The following AUTS2 variants were observed in gnomAD, a reference collection of about 807,000 sequenced individuals.
AUTS2 encodes the protein autism susceptibility gene 2 protein.
AUTS2 carries 17 observed loss-of-function variants against 112.4 expected under a neutral mutation model. The ratio of observed to expected loss-of-function variants is 0.15; its 90% CI spans 0.10 to 0.23. The LOEUF (loss-of-function observed/expected upper bound fraction) is 0.23. Ranked by LOEUF, AUTS2 falls within the 10% of genes least tolerant of loss-of-function variation. AUTS2 has a pLI of 1.00. For synonymous variants in AUTS2, 751 were observed against 702.7 expected (o/e 1.07, Z -1.09); for missense variants, 1,510 against 1,701.6 (o/e 0.89, Z 1.98).
intron 5 of AUTS2, among the ~76,000 whole-genome samples, chr7:70,689,856 G>A (rs1011402584): frequency 6.6e-6 from 1 of 151,326 alleles, no homozygotes; most frequent in Non-Finnish European, 1.5e-5. Flanking sequence ...TGGGACTGGT[G>A]TCATTTTGAT....
At chr7:70,681,297 G>T (rs1019029476) in intron 5 of AUTS2, among the ~76,000 whole-genome samples, 2 of 152,150 alleles carry the variant, frequency 1.3e-5, no homozygotes, top group African/African-American at 4.8e-5. Flanking sequence ...TGAGGGAGGA[G>T]TAGGGCCCTG....
intron 5 of AUTS2, among the ~76,000 whole-genome samples, chr7:70,589,577 G>A (rs62455834): frequency 0.22 from 33,541 of 152,096 alleles, 4,039 homozygotes; most frequent in Middle Eastern, 0.31. Context: ...AGCGGGATGC[G>A]GTGGCAGACG....
At chr7:70,367,818 C>A (rs1384179553) in intron 4 of AUTS2, among the ~76,000 whole-genome samples, 1 of 152,086 alleles carries the variant, frequency 6.6e-6, no homozygotes. Flanking sequence ...ACTGGCTTTG[C>A]TAGCTATTAT....
chr7:69,793,970 A>C (rs1429316199), intron 1 of AUTS2, among the ~76,000 whole-genome samples: 1 of 152,170 alleles, frequency 6.6e-6, no homozygotes, highest in African/African-American at 2.4e-5. Flanking sequence ...GGAGAATGCC[A>C]CTCAAAGCGG....
chr7:69,606,585 C>G (rs910164107), intron 1 of AUTS2, among the ~76,000 whole-genome samples: 2 of 152,072 alleles, frequency 1.3e-5, no homozygotes, highest in African/African-American at 4.8e-5. Context: ...CCTCAAGAAG[C>G]AACTTTTTTT....
chr7:70,352,927 G>C (rs747493567), intron 4 of AUTS2, among the ~76,000 whole-genome samples: 1 of 152,142 alleles, frequency 6.6e-6, no homozygotes, highest in African/African-American at 2.4e-5. Flanking sequence ...TGCTGGGGAA[G>C]CTCCTTGTTG....
Position 70,789,755 on chromosome 7 carries a change from G to A in AUTS2, c.2539G>A (p.Val847Ile), listed in dbSNP as rs751246676. 11 of 1,611,490 alleles carry A rather than the reference G, an allele frequency of 6.8e-6. No individual in the cohort carries two copies. The highest frequency in any genetic ancestry group is 4.0e-5 in the African/African-American group (3 of 74,824). ...VSKDDKERES[V>I]EKRHSSHPSP... is the part of the protein sequence containing the mutation. ...TTCCCCTCTCTCCCCCAGGGAAAGC[G>A]TCGAGAAGAGACACTCCAGCCACCC... Residue 847 changes from valine (V) to isoleucine (I), a missense_variant, in exon 19 of 19, where the codon GTC becomes ATC. Physicochemically the swap from Val to Ile is conservative, Grantham distance 29. Transcript: ENST00000342771.
At chr7:69,601,175 C>G (rs1322769989) in intron 1 of AUTS2, among the ~76,000 whole-genome samples, 1 of 152,128 alleles carries the variant, frequency 6.6e-6, no homozygotes, top group Non-Finnish European at 1.5e-5. Flanking sequence ...CTTTGAGATT[C>G]TGCAGAGTTG....
At chr7:70,034,509 C>T (rs1434883856) in intron 2 of AUTS2, among the ~76,000 whole-genome samples, 1 of 152,204 alleles carries the variant, frequency 6.6e-6, no homozygotes, top group African/African-American at 2.4e-5. Context: ...ACTTATTCCT[C>T]TGGCCAAGTG....
At chr7:70,691,272 A>T (rs1197276659) in intron 5 of AUTS2, among the ~76,000 whole-genome samples, 1 of 152,116 alleles carries the variant, frequency 6.6e-6, no homozygotes, top group Non-Finnish European at 1.5e-5. Flanking sequence ...TTCTCCTTAG[A>T]TTGGGTTCAG....
At chr7:69,680,142 T>G (rs922227065) in intron 1 of AUTS2, among the ~76,000 whole-genome samples, 2 of 152,262 alleles carry the variant, frequency 1.3e-5, no homozygotes, top group Admixed American at 1.3e-4. Context: ...GGTTTAGGCA[T>G]GCTGCCTTAT....
At chr7:70,543,705 G>T (rs745910773) in intron 5 of AUTS2, among the ~76,000 whole-genome samples, 60 of 152,140 alleles carry the variant, frequency 3.9e-4, no homozygotes, top group Admixed American at 2.0e-4. Context: ...AAGCTCAGGA[G>T]CCATGGGCCT....
chr7:70,129,073 A>T (rs1217442831), intron 3 of AUTS2, among the ~76,000 whole-genome samples: 1 of 152,228 alleles, frequency 6.6e-6, no homozygotes, highest in Non-Finnish European at 1.5e-5. Flanking sequence ...ACAGCAGAAG[A>T]TAACAGAACC....
chr7:70,402,607 G>A (rs1210700541), intron 4 of AUTS2, among the ~76,000 whole-genome samples: 1 of 152,334 alleles, frequency 6.6e-6, no homozygotes, highest in East Asian at 1.9e-4. Context: ...GGTACAGAGA[G>A]AAAGGCTTGC....
chr7:69,799,267 T>A (rs562496207), intron 1 of AUTS2, among the ~76,000 whole-genome samples: 17 of 152,282 alleles, frequency 1.1e-4, no homozygotes, highest in Non-Finnish European at 2.5e-4. Flanking sequence ...GAATGCCTCC[T>A]GGTGGAACCT....
chr7:69,735,626 G>A (rs10248237), intron 1 of AUTS2, among the ~76,000 whole-genome samples: 12,673 of 152,200 alleles, frequency 0.083, 758 homozygotes, highest in African/African-American at 0.16. Context: ...TTTCTCCCCA[G>A]AGCTAGCAAG....
intron 4 of AUTS2, among the ~76,000 whole-genome samples, chr7:70,140,354 A>G (rs976112121): frequency 6.6e-6 from 1 of 152,210 alleles, no homozygotes; most frequent in African/African-American, 2.4e-5. Context: ...AGAAACATCT[A>G]CATTAACTAC....
chr7:70,779,872 C>T (rs1207692050), intron 14 of AUTS2, among the ~76,000 whole-genome samples: 2 of 152,048 alleles, frequency 1.3e-5, no homozygotes, highest in Admixed American at 6.6e-5. Flanking sequence ...AGACCTGTCT[C>T]TACCAAAATG....
At chr7:69,894,557 G>A (rs910214501) in intron 1 of AUTS2, among the ~76,000 whole-genome samples, 4 of 152,082 alleles carry the variant, frequency 2.6e-5, no homozygotes, top group Admixed American at 6.5e-5. Context: ...AATAAATGAT[G>A]TGGCTAAAGG....
Sources: gnomAD v4.1 joint callset for allele counts (sites outside exome capture counted in the v4.1 genomes callset) on GRCh38, gnomAD v4.1.1 for gene constraint, MANE v1.5 for transcripts, NCBI Gene and HGNC (gene_info 2026-07-23, HGNC 2026-07-21) for gene names.